DLGAP2: variants seen among roughly 807,000 people sequenced by gnomAD.
The protein encoded by DLGAP2 is DLG associated protein 2.
In DLGAP2, 26 loss-of-function variants were observed where a neutral mutation model predicts 100.3. That is an observed-to-expected ratio of 0.26 (90% CI 0.19 to 0.36). The LOEUF (loss-of-function observed/expected upper bound fraction) is 0.36. Among genes scored for constraint, DLGAP2 ranks in the 10% least tolerant of loss-of-function variants. The pLI is 1.00. For missense variants in DLGAP2, 1,858 were observed against 1,453.2 expected (o/e 1.28, Z -4.53); for synonymous variants, 886 against 630.1 (o/e 1.41, Z -6.08).
At chr8:949,751 C>G (rs1584916640) in intron 2 of DLGAP2, among the ~76,000 whole-genome samples, 2 of 152,328 alleles carry the variant, frequency 1.3e-5, no homozygotes, top group South Asian at 4.1e-4. Context: ...CTGTCAGGAA[C>G]GGGCAGAGAG....
In DLGAP2 at chr8:1,164,115, CGCAGGG is replaced by C. The variant is rs1563224022; in HGVS notation, c.74-94735_74-94730del. The stretch of plus-strand genomic sequence containing the variant: ...CTGGGGACAGATTTTTCTGTGAGCC[CGCAGGG>C]CCCGTCATTTTGGTTTGTGGGGATT... On this transcript the variant is annotated intron_variant, in intron 2 of 14. Transcript: ENST00000637795. 2.0e-4 allele frequency among the ~76,000 whole-genome samples: 26 copies of C among 128,630 alleles called. 6 individuals are homozygous for C. The highest frequency in any genetic ancestry group is 4.2e-4 in the East Asian group (2 of 4,794). 84.4% of individuals were successfully genotyped at this position (128,630 alleles called of 152,430 possible). A position where few individuals can be genotyped will look rare whatever the true frequency, so the allele number is the denominator to read the frequency against.
Position 1,436,782 on chromosome 8 carries a change from C to T in DLGAP2, c.107-64584C>T, listed in dbSNP as rs142662595. On this transcript the variant is annotated intron_variant, in intron 3 of 14. Transcript: ENST00000637795. The stretch of plus-strand genomic sequence containing the variant: ...CCACTCACCCGGTCACCCAGAGCAG[C>T]TTCGGGTTCTGCAAGTTCCATTCAT... 4.5e-3 allele frequency among the ~76,000 whole-genome samples: 684 copies of T among 152,276 alleles called. 3 individuals carry two copies. Among genetic ancestry groups the T allele is most frequent in the Middle Eastern group, 0.017 (5 of 294 alleles).
intron 3 of DLGAP2, among the ~76,000 whole-genome samples, chr8:1,458,794 T>A (rs1798391431): frequency 6.6e-6 from 1 of 152,114 alleles, no homozygotes; most frequent in Non-Finnish European, 1.5e-5. Flanking sequence ...CATCCAGACA[T>A]GAAAACAGGA....
chr8:1,582,803 G>A (rs1449710380), intron 6 of DLGAP2, among the ~76,000 whole-genome samples: 1 of 152,116 alleles, frequency 6.6e-6, no homozygotes, highest in Non-Finnish European at 1.5e-5. Flanking sequence ...TCACCATGTT[G>A]GCCAGACTGG....
chr8:916,690 G>A (rs893693580), intron 2 of DLGAP2, among the ~76,000 whole-genome samples: 1 of 152,100 alleles, frequency 6.6e-6, no homozygotes, highest in Non-Finnish European at 1.5e-5. Context: ...TTAAAAAAAA[G>A]AAACTCAATC....
intron 3 of DLGAP2, among the ~76,000 whole-genome samples, chr8:1,285,321 TA>T: frequency 6.6e-6 from 1 of 152,368 alleles, no homozygotes. Flanking sequence ...TGCATACATT[TA>T]TTTTTTTAAT....
chr8:1,086,952 A>G (rs2129040641), intron 2 of DLGAP2, among the ~76,000 whole-genome samples: 1 of 152,210 alleles, frequency 6.6e-6, no homozygotes, highest in East Asian at 1.9e-4. Flanking sequence ...TAAAGGATAC[A>G]CAGTCTTCTC....
At chr8:1,299,053 G>A (rs1800265058) in intron 3 of DLGAP2, among the ~76,000 whole-genome samples, 1 of 152,262 alleles carries the variant, frequency 6.6e-6, no homozygotes, top group Admixed American at 6.5e-5. Flanking sequence ...GACCAGTGCT[G>A]CCAGCAGAGA....
intron 4 of DLGAP2, among the ~76,000 whole-genome samples, chr8:1,507,193 G>A (rs901624711): frequency 2.6e-4 from 39 of 152,218 alleles, no homozygotes; most frequent in African/African-American, 8.2e-4. Context: ...GGGACCGGGC[G>A]CCGCGGAGCA....
chr8:1,267,634 T>TCAA (rs1563052138), intron 3 of DLGAP2, among the ~76,000 whole-genome samples: 549 of 19,192 alleles, frequency 0.029, 59 homozygotes, highest in African/African-American at 0.12. Context: ...AAATATTAAA[T>TCAA]AGGTCTACAA....
chr8:1,002,406 A>G (rs1343495340), intron 2 of DLGAP2: 1 of 152,262 alleles, frequency 6.6e-6, no homozygotes, highest in East Asian at 1.9e-4. Flanking sequence ...ACAATTGACT[A>G]TTTAAAAAGA....
At chr8:1,119,994 A>G (rs1267981544) in intron 2 of DLGAP2, among the ~76,000 whole-genome samples, 1 of 152,238 alleles carries the variant, frequency 6.6e-6, no homozygotes, top group Non-Finnish European at 1.5e-5. Flanking sequence ...CAGCACTTTT[A>G]GGGCTGGGCT....
At chr8:898,034 C>T (rs1584872734) in intron 1 of DLGAP2, among the ~76,000 whole-genome samples, 1 of 139,882 alleles carries the variant, frequency 7.1e-6, no homozygotes, top group African/African-American at 2.6e-5. Context: ...GTGACCCTGA[C>T]CTGCAGTAAG....
chr8:1,315,063 T>G (rs1800700883), intron 3 of DLGAP2, among the ~76,000 whole-genome samples: 1 of 152,222 alleles, frequency 6.6e-6, no homozygotes, highest in African/African-American at 2.4e-5. Context: ...AAGTGACGCT[T>G]TTTTACAAAA....
intron 2 of DLGAP2, among the ~76,000 whole-genome samples, chr8:1,073,545 C>T (rs1274473258): frequency 6.6e-6 from 1 of 152,170 alleles, no homozygotes; most frequent in Non-Finnish European, 1.5e-5. Flanking sequence ...CATGCGTTCT[C>T]TTACTTTTCC....
At chr8:773,619 T>C (rs1821426303) in intron 1 of DLGAP2, among the ~76,000 whole-genome samples, 1 of 151,518 alleles carries the variant, frequency 6.6e-6, no homozygotes, top group Non-Finnish European at 1.5e-5. Flanking sequence ...GTTCTTGCGA[T>C]AGTTTACTGA....
At chr8:1,526,333 G>T (rs1226053398) in intron 4 of DLGAP2, among the ~76,000 whole-genome samples, 3 of 151,928 alleles carry the variant, frequency 2.0e-5, no homozygotes, top group Non-Finnish European at 2.9e-5. Context: ...ACGCCTACCG[G>T]CAGGGCTGAG....
At chr8:1,541,347 A>C (rs1400683408) in intron 4 of DLGAP2, among the ~76,000 whole-genome samples, 1 of 152,234 alleles carries the variant, frequency 6.6e-6, no homozygotes, top group Non-Finnish European at 1.5e-5. Context: ...CGTTGGAGAC[A>C]CAATATCAAA....
At chr8:980,745 A>G (rs1410282047) in intron 2 of DLGAP2, among the ~76,000 whole-genome samples, 1 of 152,020 alleles carries the variant, frequency 6.6e-6, no homozygotes, top group Middle Eastern at 3.2e-3. Flanking sequence ...AGCTGAGGAG[A>G]CAGAGATGCA....
Sources: gnomAD v4.1 joint callset for allele counts (sites outside exome capture counted in the v4.1 genomes callset) on GRCh38, gnomAD v4.1.1 for gene constraint, MANE v1.5 for transcripts, NCBI Gene and HGNC (gene_info 2026-07-23, HGNC 2026-07-21) for gene names.